The following NEGR1 variants were observed in gnomAD, a reference collection of about 807,000 sequenced individuals.
NEGR1 encodes the protein IgLON family member 4.
In NEGR1, 10 loss-of-function variants were observed where a neutral mutation model predicts 40.9. The ratio of observed to expected loss-of-function variants is 0.24; its 90% CI spans 0.15 to 0.42. NEGR1 has a LOEUF of 0.42. Among genes scored for constraint, NEGR1 ranks in the 10% least tolerant of loss-of-function variants. The pLI is 1.00. For missense variants in NEGR1, 352 were observed against 438.9 expected (o/e 0.80, Z 1.77); for synonymous variants, 185 against 166.8 (o/e 1.11, Z -0.84).
intron 4 of NEGR1, among the ~76,000 whole-genome samples, chr1:71,661,693 A>T (rs1652059633): frequency 6.6e-6 from 1 of 152,216 alleles, no homozygotes; most frequent in South Asian, 2.1e-4. Context: ...TTAGAACACA[A>T]ATTGATCTGA....
intron 1 of NEGR1, among the ~76,000 whole-genome samples, chr1:72,198,928 T>G (rs1653099500): frequency 6.6e-6 from 1 of 151,996 alleles, no homozygotes. Context: ...TTTAAGTTCC[T>G]CTTATATTCC....
At chr1:71,563,397 G>C (rs186117878) in intron 6 of NEGR1, among the ~76,000 whole-genome samples, 2 of 152,086 alleles carry the variant, frequency 1.3e-5, no homozygotes, top group Admixed American at 1.3e-4. Flanking sequence ...CTAGATCAGA[G>C]AAAGCCCACA....
chr1:71,781,818 G>T (rs1462502019), intron 2 of NEGR1, among the ~76,000 whole-genome samples: 1 of 152,088 alleles, frequency 6.6e-6, no homozygotes, highest in Non-Finnish European at 1.5e-5. Flanking sequence ...ACACAATTAT[G>T]AGATCTATTC....
chr1:71,615,855 C>T (rs1650430030), intron 4 of NEGR1, among the ~76,000 whole-genome samples: 2 of 152,110 alleles, frequency 1.3e-5, no homozygotes, highest in Admixed American at 6.5e-5. Context: ...AACTACGAGG[C>T]TGTTGTAGTA....
chr1:71,456,946 A>G (rs1393090749), intron 6 of NEGR1, among the ~76,000 whole-genome samples: 1 of 152,094 alleles, frequency 6.6e-6, no homozygotes, highest in Non-Finnish European at 1.5e-5. Context: ...GGACTTTACT[A>G]GCTTTAGTCT....
intron 6 of NEGR1, among the ~76,000 whole-genome samples, chr1:71,463,977 G>A (rs1646729484): frequency 6.6e-6 from 1 of 152,112 alleles, no homozygotes; most frequent in South Asian, 2.1e-4. Context: ...TGATTTCTCA[G>A]AACTGGGGCA....
chr1:72,157,764 G>T (rs146727425), intron 1 of NEGR1, among the ~76,000 whole-genome samples: 26 of 152,218 alleles, frequency 1.7e-4, no homozygotes, highest in African/African-American at 6.3e-4. Flanking sequence ...TGAGGACTGC[G>T]AGTCATTAAA....
intron 1 of NEGR1, among the ~76,000 whole-genome samples, chr1:72,215,303 G>A (rs567304845): frequency 3.3e-5 from 5 of 151,926 alleles, no homozygotes; most frequent in Non-Finnish European, 7.4e-5. Flanking sequence ...ACATAGGCAC[G>A]GGCAAAGACT....
intron 2 of NEGR1, among the ~76,000 whole-genome samples, chr1:71,879,389 T>C (rs982144841): frequency 9.9e-5 from 15 of 152,112 alleles, no homozygotes; most frequent in African/African-American, 3.4e-4. Flanking sequence ...AACAAGATAA[T>C]ACTTTTTAAA....
At chr1:72,133,817 TA>T (rs996936414) in intron 1 of NEGR1, among the ~76,000 whole-genome samples, 2 of 151,702 alleles carry the variant, frequency 1.3e-5, no homozygotes, top group African/African-American at 4.8e-5. Flanking sequence ...TTATCCCATT[TA>T]AATAAAATAA....
At chr1:72,042,408 G>T (rs145089389) in intron 1 of NEGR1, among the ~76,000 whole-genome samples, 13 of 151,940 alleles carry the variant, frequency 8.6e-5, no homozygotes, top group African/African-American at 3.1e-4. Flanking sequence ...TAGCCAGAGA[G>T]TGCATTTCCT....
intron 6 of NEGR1, among the ~76,000 whole-genome samples, chr1:71,466,860 T>C (rs2101350870): frequency 6.6e-6 from 1 of 152,178 alleles, no homozygotes; most frequent in South Asian, 2.1e-4. Context: ...TAAAACTGGA[T>C]GAGAGCAGAG....
chr1:72,102,000 G>T (rs1648966741), intron 1 of NEGR1, among the ~76,000 whole-genome samples: 1 of 151,788 alleles, frequency 6.6e-6, no homozygotes, highest in African/African-American at 2.4e-5. Context: ...ATTTTCTCAT[G>T]ATCTCTTATC....
At chr1:71,699,975 G>A (rs753326609) in intron 3 of NEGR1, among the ~76,000 whole-genome samples, 22 of 151,824 alleles carry the variant, frequency 1.4e-4, no homozygotes, top group South Asian at 2.1e-4. Flanking sequence ...ATGTGGAACT[G>A]TATGTCCGAT....
At chr1:71,776,742 G>A (rs1281281808) in intron 2 of NEGR1, among the ~76,000 whole-genome samples, 1 of 152,118 alleles carries the variant, frequency 6.6e-6, no homozygotes, top group African/African-American at 2.4e-5. Flanking sequence ...GGGTGAGTTA[G>A]GACATGTACA....
At chr1:71,801,851 T>C (rs1657574204) in intron 2 of NEGR1, among the ~76,000 whole-genome samples, 1 of 152,206 alleles carries the variant, frequency 6.6e-6, no homozygotes, top group African/African-American at 2.4e-5. Flanking sequence ...GTGATACTGA[T>C]GAGGGTTCTG....
chr1:72,006,770 G>A (rs1265564251), intron 1 of NEGR1, among the ~76,000 whole-genome samples: 1 of 152,060 alleles, frequency 6.6e-6, no homozygotes, highest in Non-Finnish European at 1.5e-5. Flanking sequence ...AAACTGGGGG[G>A]GGCGGGAAGC....
At chr1:71,590,855 C>T (rs1448291541) in intron 6 of NEGR1, among the ~76,000 whole-genome samples, 2 of 152,094 alleles carry the variant, frequency 1.3e-5, no homozygotes, top group Non-Finnish European at 2.9e-5. Flanking sequence ...ATTAATCCAT[C>T]CATTCATTTA....
chr1:71,953,525 A>G (rs1399794844), intron 1 of NEGR1, among the ~76,000 whole-genome samples: 2 of 152,036 alleles, frequency 1.3e-5, no homozygotes, highest in Non-Finnish European at 2.9e-5. Context: ...ACAAAAACTT[A>G]TTTGATAAAA....
Sources: allele counts gnomAD v4.1 joint callset (sites outside exome capture counted in the v4.1 genomes callset), GRCh38; gene constraint gnomAD v4.1.1; transcripts MANE v1.5; gene names NCBI Gene and HGNC (gene_info 2026-07-23, HGNC 2026-07-21).